Variants in CAPS2 observed in about 807,000 individuals in gnomAD.
CAPS2 encodes calcyphosin-2.
Under a neutral mutation model 86.5 loss-of-function variants are expected in CAPS2, and 98 were observed. The ratio of observed to expected loss-of-function variants is 1.13; its 90% CI spans 0.96 to 1.34. CAPS2 has a LOEUF of 1.34. Ranked by LOEUF, CAPS2 falls within the 40% of genes most tolerant of loss-of-function variation. CAPS2 has a pLI of 0.00. For synonymous variants in CAPS2, 210 were observed against 225.1 expected (o/e 0.93, Z 0.60); for missense variants, 729 against 686.8 (o/e 1.06, Z -0.69).
At chr12:75,362,744 A>G (rs2043688168) in intron 1 of CAPS2, among the ~76,000 whole-genome samples, 1 of 152,188 alleles carries the variant, frequency 6.6e-6, no homozygotes, top group Admixed American at 6.6e-5. Flanking sequence ...ATTAAAACAT[A>G]AAACACATGT....
At chr12:75,276,664 A>C (rs2032990312), downstream of CAPS2, 1 of 826,296 alleles carries the variant, frequency 1.2e-6, no homozygotes, top group Non-Finnish European at 1.5e-6. Flanking sequence ...TTTTCCTTAA[A>C]ATTCTCAACT....
chr12:75,313,959 G>T (rs1422459880), intron 6 of CAPS2, among the ~76,000 whole-genome samples: 1 of 151,918 alleles, frequency 6.6e-6, no homozygotes, highest in African/African-American at 2.4e-5. Flanking sequence ...TTGCTATGTT[G>T]CCCAGGCTGG....
chr12:75,354,243 T>A (rs1242626294), intron 1 of CAPS2, among the ~76,000 whole-genome samples: 1 of 151,960 alleles, frequency 6.6e-6, no homozygotes, highest in African/African-American at 2.4e-5. Flanking sequence ...TGATCCTATA[T>A]CTAGAAAACC....
At chr12:75,350,367 G>A (rs2042725731) in intron 1 of CAPS2, among the ~76,000 whole-genome samples, 2 of 152,280 alleles carry the variant, frequency 1.3e-5, no homozygotes, top group South Asian at 2.1e-4. Flanking sequence ...TATTTAAGTG[G>A]GTCCTTTATC....
intron 16 of CAPS2, among the ~76,000 whole-genome samples, chr12:75,281,383 A>G (rs2138024826): frequency 6.6e-6 from 1 of 152,118 alleles, no homozygotes; most frequent in Admixed American, 6.5e-5. Flanking sequence ...AAGAATGGCT[A>G]GGTAAATGAT....
chr12:75,364,816 T>A (rs1025381765), intron 1 of CAPS2: 8 of 152,152 alleles, frequency 5.3e-5, no homozygotes, highest in Non-Finnish European at 7.4e-5. Flanking sequence ...CTGATAAAAA[T>A]TTTTAATATA....
At chr12:75,323,354 T>C (rs1029781054) in intron 2 of CAPS2, 132 bp from the exon 4 acceptor site, 20 of 589,978 alleles carry the variant, frequency 3.4e-5, no homozygotes, top group African/African-American at 2.4e-4. Context: ...TGGCTTGTGA[T>C]AGGCTTTTGT....
At chr12:75,296,998 A>G (rs2037015193) in intron 11 of CAPS2, among the ~76,000 whole-genome samples, 1 of 152,226 alleles carries the variant, frequency 6.6e-6, no homozygotes, top group Non-Finnish European at 1.5e-5. Context: ...CCACACACAG[A>G]GCATCACATA....
At chr12:75,306,335 C>T (rs2038494220) in intron 7 of CAPS2, 1 of 517,190 alleles carries the variant, frequency 1.9e-6, no homozygotes, top group Admixed American at 2.9e-5. Flanking sequence ...CTGCCTACTG[C>T]TCCTGTAACA....
Position 75,305,472 on chromosome 12 carries a change from C to A in CAPS2, c.660-596G>T, listed in dbSNP as rs1004923916. ...GGTTGGAACAAAGTAAGGATCTGAG[C>A]GACCCCAACTTTGCAGCCGAGGCCT... On this transcript the variant is annotated intron_variant, in intron 7 of 16. Coordinates refer to ENST00000393284, the Ensembl canonical transcript of CAPS2. 6 of 566,380 alleles carry A rather than the reference C, an allele frequency of 1.1e-5. No individual in the cohort carries two copies. The African/African-American group carries it at 1.1e-4, about 11-fold the overall frequency. The allele number at this position is 566,380 out of a possible 1,614,324, so 35.1% of individuals were successfully genotyped here.
chr12:75,353,017 G>A (rs1212867539), intron 1 of CAPS2, among the ~76,000 whole-genome samples: 1 of 152,092 alleles, frequency 6.6e-6, no homozygotes, highest in African/African-American at 2.4e-5. Flanking sequence ...GAAATTTATA[G>A]TGCTAAATGC....
At chr12:75,327,567 T>C (rs7970188), upstream of CAPS2, among the ~76,000 whole-genome samples, 48,033 of 151,572 alleles carry the variant, frequency 0.32, 8,465 homozygotes, top group East Asian at 0.45. Context: ...AAATTATTTC[T>C]GTTTTGTTTT....
In CAPS2 at chr12:75,321,513, G is replaced by A. The variant is rs1160664176; in HGVS notation, c.355C>T (p.Gln119Ter). 1.3e-6 allele frequency: 2 copies of A among 1,546,956 alleles called. No homozygotes were observed. Among genetic ancestry groups the A allele is most frequent in the East Asian group, 2.5e-5 (1 of 40,782 alleles). Residue 119 changes from glutamine to a stop codon, truncating the protein, a stop_gained, in exon 5 of 17, where the codon CAA becomes TAA. Coordinates refer to ENST00000393284, the Ensembl canonical transcript of CAPS2. LOFTEE classifies it high-confidence loss of function. ...CCCTCTTTAATTTCAGTTTTACATT[G>A]CTGATATTTTAGTTTACATTTGTCT...
rs911983335 is a variant in CAPS2, at chr12:75,336,301, G to A, written c.-394-13079C>T. On this transcript the variant is annotated intron_variant, in intron 1 of 5. Transcript: ENST00000551829. ...GAACAAGGAACAAAAGAACAAAGAG[G>A]GAATCATTTAAAAATAGCAAATGGT... is the stretch of plus-strand genomic sequence containing the variant. 6.5e-4 allele frequency among the ~76,000 whole-genome samples: 99 copies of A among 151,246 alleles called. 1 individual carries two copies. The highest frequency in any genetic ancestry group is 6.4e-3 in the Admixed American group (98 of 15,216).
exon 17 of CAPS2, chr12:75,278,987 G>A (rs150487629): frequency 5.1e-4 from 826 of 1,610,668 alleles, no homozygotes; most frequent in Non-Finnish European, 6.7e-4. Context: ...TTCACCATAT[G>A]ACACTTCATC....
At chr12:75,286,454 A>G (rs574333194) in intron 14 of CAPS2, among the ~76,000 whole-genome samples, 1 of 152,054 alleles carries the variant, frequency 6.6e-6, no homozygotes, top group African/African-American at 2.4e-5. Context: ...AATAATTTTC[A>G]AGAATTGAGT....
chr12:75,295,014 G>C (rs1345209312), intron 11 of CAPS2: 1 of 152,176 alleles, frequency 6.6e-6, no homozygotes, highest in Non-Finnish European at 1.5e-5. Context: ...TGGAAGACCA[G>C]ACAGTGTTTT....
chr12:75,364,731 T>G (rs1043619834), intron 1 of CAPS2: 3 of 152,222 alleles, frequency 2.0e-5, no homozygotes, highest in African/African-American at 4.8e-5. Flanking sequence ...TTAAAACCTT[T>G]TAAGCTAAGG....
chr12:75,337,638 G>A (rs935776970), intron 1 of CAPS2, among the ~76,000 whole-genome samples: 3 of 151,764 alleles, frequency 2.0e-5, no homozygotes, highest in Non-Finnish European at 2.9e-5. Context: ...ATATGTATAC[G>A]TCAGTGAAAC....
Sources: allele counts gnomAD v4.1 joint callset (sites outside exome capture counted in the v4.1 genomes callset), GRCh38; gene constraint gnomAD v4.1.1; transcripts MANE v1.5; gene names NCBI Gene and HGNC (gene_info 2026-07-23, HGNC 2026-07-21).